Variants in PDE7B observed in about 807,000 individuals in gnomAD.
PDE7B encodes phosphodiesterase 7B.
A neutral mutation model predicts 56.2 loss-of-function variants in PDE7B; 29 were observed. The ratio of observed to expected loss-of-function variants is 0.52; its 90% CI spans 0.38 to 0.70. The LOEUF is 0.70. PDE7B is among the 30% of genes least tolerant of loss of function. The pLI, the probability that PDE7B is intolerant of heterozygous loss-of-function variation, is 0.00. For missense variants in PDE7B, 490 were observed against 565.0 expected (o/e 0.87, Z 1.35); for synonymous variants, 197 against 196.9 (o/e 1.00, Z 0.00).
At chr6:136,032,020 C>T (rs905154223) in intron 2 of PDE7B, among the ~76,000 whole-genome samples, 4 of 152,174 alleles carry the variant, frequency 2.6e-5, no homozygotes, top group South Asian at 2.1e-4. Context: ...TAACATATTT[C>T]AGACTTTGTA....
At chr6:135,859,619 T>C (rs1384376704) in intron 1 of PDE7B, among the ~76,000 whole-genome samples, 1 of 152,086 alleles carries the variant, frequency 6.6e-6, no homozygotes, top group East Asian at 1.9e-4. Context: ...AATAAAATAA[T>C]TGAGAAATAT....
chr6:136,021,908 C>G (rs773443892), intron 2 of PDE7B, among the ~76,000 whole-genome samples: 1 of 152,176 alleles, frequency 6.6e-6, no homozygotes, highest in Non-Finnish European at 1.5e-5. Flanking sequence ...CAAGATCATT[C>G]TCTAATCTAC....
At chr6:136,047,443 A>G (rs538786449) in intron 2 of PDE7B, 94 of 152,294 alleles carry the variant, frequency 6.2e-4, no homozygotes, top group African/African-American at 2.1e-3. Context: ...GCTAATTGGA[A>G]ATTCTGAGAG....
In PDE7B at chr6:136,140,052, A is replaced by G. The variant is rs1248795508; in HGVS notation, c.167-7299A>G. Among the ~76,000 whole-genome samples, 6 of 152,286 alleles carry G rather than the reference A, an allele frequency of 3.9e-5. No homozygotes were observed. The East Asian group carries it at 9.6e-4, about 24-fold the overall frequency. On this transcript the variant is annotated intron_variant, in intron 3 of 12. Coordinates refer to ENST00000308191, the MANE Select transcript of PDE7B (RefSeq NM_018945.4). ...AGACATGAAGTTCTTGCCCATGCCT[A>G]TGTCCTGAATGGTAATGCCTAGGTT...
intron 4 of PDE7B, among the ~76,000 whole-genome samples, chr6:136,147,869 C>T (rs946038523): frequency 4.6e-5 from 7 of 152,156 alleles, no homozygotes; most frequent in African/African-American, 1.2e-4. Context: ...ATTAGCTCAT[C>T]GTAACAGCTA....
intron 3 of PDE7B, among the ~76,000 whole-genome samples, chr6:136,111,424 T>TA (rs1434739235): frequency 3.9e-5 from 6 of 152,220 alleles, no homozygotes; most frequent in Non-Finnish European, 8.8e-5. Flanking sequence ...TCCTTTGTGA[T>TA]ACGATTTACC....
At chr6:135,899,420 G>C (rs1775960395) in intron 1 of PDE7B, among the ~76,000 whole-genome samples, 1 of 150,330 alleles carries the variant, frequency 6.7e-6, no homozygotes, top group Non-Finnish European at 1.5e-5. Context: ...AGATTATTAT[G>C]TATATATAAT....
chr6:135,875,146 T>C (rs1188679602), intron 1 of PDE7B, among the ~76,000 whole-genome samples: 1 of 152,040 alleles, frequency 6.6e-6, no homozygotes, highest in Non-Finnish European at 1.5e-5. Context: ...TAAAACAATA[T>C]ATAACTGAAT....
intron 10 of PDE7B, 50 bp downstream of exon 10, chr6:136,179,191 C>T (rs761961739): frequency 7.6e-6 from 12 of 1,575,812 alleles, no homozygotes; most frequent in Non-Finnish European, 5.2e-6. Flanking sequence ...AAACACTCAG[C>T]TGGGCTGGGT....
In PDE7B at chr6:135,970,480, A is replaced by G. The variant is rs557094976; in HGVS notation, c.82+22956A>G. Reference sequence around the variant, plus strand: ...CAGTGCTTCTGAAACTTTAACATGCATGCAAATCACCTGGGCATATTGCTA... The same window carrying G: ...CAGTGCTTCTGAAACTTTAACATGCGTGCAAATCACCTGGGCATATTGCTA... On this transcript the variant is annotated intron_variant, in intron 2 of 12. Transcript: ENST00000308191. Among the ~76,000 whole-genome samples, 21 of 152,280 alleles carry G rather than the reference A, an allele frequency of 1.4e-4. No homozygotes were observed. In the East Asian group the frequency reaches 3.9e-3, roughly 28 times the overall value.
intron 1 of PDE7B, among the ~76,000 whole-genome samples, chr6:135,911,205 T>C (rs1012884504): frequency 6.6e-6 from 1 of 152,222 alleles, no homozygotes; most frequent in Non-Finnish European, 1.5e-5. Flanking sequence ...GCTGTCCCTA[T>C]GAATCATTAG....
At chr6:135,953,793 A>T (rs534311952) in intron 2 of PDE7B, among the ~76,000 whole-genome samples, 87 of 152,290 alleles carry the variant, frequency 5.7e-4, no homozygotes, top group African/African-American at 2.0e-3. Context: ...TATTGTAAAG[A>T]TTATTTTGCG....
intron 2 of PDE7B, among the ~76,000 whole-genome samples, chr6:135,981,616 A>G (rs1408842034): frequency 1.3e-5 from 2 of 150,294 alleles, no homozygotes; most frequent in Non-Finnish European, 3.0e-5. Flanking sequence ...GGTCAAGATG[A>G]TCAATATCAC....
At chr6:135,951,889 T>C (rs950820005) in intron 2 of PDE7B, among the ~76,000 whole-genome samples, 4 of 152,186 alleles carry the variant, frequency 2.6e-5, no homozygotes, top group African/African-American at 9.6e-5. Context: ...GGTTGAAAAT[T>C]ATTATAAATG....
At chr6:135,930,253 A>C (rs1774271977) in intron 1 of PDE7B, among the ~76,000 whole-genome samples, 1 of 152,154 alleles carries the variant, frequency 6.6e-6, no homozygotes, top group African/African-American at 2.4e-5. Flanking sequence ...GAGACTTACT[A>C]TCATGAGAAC....
intron 1 of PDE7B, among the ~76,000 whole-genome samples, chr6:135,865,525 G>A (rs1775237647): frequency 6.6e-6 from 1 of 151,946 alleles, no homozygotes; most frequent in African/African-American, 2.4e-5. Context: ...GATCTCTTGA[G>A]TGTTTATAGC....
In PDE7B at chr6:136,186,376, C is replaced by T. The variant is rs570220290; in HGVS notation, c.1046-660C>T. The stretch of plus-strand genomic sequence containing the variant: ...CTAGGAGTTTGAGGCTGCAGTGAGC[C>T]AAGATCATGCCACTGCACTCAAGCC... On this transcript the variant is annotated intron_variant, in intron 11 of 12. Transcript: ENST00000308191. 5.3e-4 allele frequency among the ~76,000 whole-genome samples: 80 copies of T among 151,956 alleles called. 1 individual carries two copies. The highest frequency in any genetic ancestry group is 1.8e-3 in the African/African-American group (76 of 41,416).
chr6:136,011,691 C>T (rs912178571), intron 2 of PDE7B, among the ~76,000 whole-genome samples: 1 of 152,136 alleles, frequency 6.6e-6, no homozygotes, highest in Non-Finnish European at 1.5e-5. Context: ...AGTGCCTGAA[C>T]TAACATGGGG....
At chr6:135,897,981 A>G (rs1775933191) in intron 1 of PDE7B, among the ~76,000 whole-genome samples, 1 of 152,190 alleles carries the variant, frequency 6.6e-6, no homozygotes, top group Admixed American at 6.5e-5. Flanking sequence ...TAAGGCATGA[A>G]GAAGGGAAGG....
Sources: gnomAD v4.1 joint callset for allele counts (sites outside exome capture counted in the v4.1 genomes callset) on GRCh38, gnomAD v4.1.1 for gene constraint, MANE v1.5 for transcripts, NCBI Gene and HGNC (gene_info 2026-07-23, HGNC 2026-07-21) for gene names.